Variants in MYO5A observed in about 807,000 individuals in gnomAD.
MYO5A encodes myosin VA.
Under a neutral mutation model 249.7 loss-of-function variants are expected in MYO5A, and 98 were observed. The observed-to-expected ratio is 0.39, with a 90% CI of 0.33 to 0.46. The LOEUF (loss-of-function observed/expected upper bound fraction) is 0.46, where lower values mean the gene tolerates loss of function less well. MYO5A is among the 20% of genes least tolerant of loss of function. The pLI, the probability that MYO5A is intolerant of heterozygous loss-of-function variation, is 0.98. For synonymous variants in MYO5A, 778 were observed against 810.6 expected, an observed-to-expected ratio of 0.96 and a Z score of 0.68; for missense variants, 1,696 against 2,308.8, an observed-to-expected ratio of 0.73 and a Z score of 5.44.
At chr15:52,345,522 T>G (rs963473585) in intron 30 of MYO5A, among the ~76,000 whole-genome samples, 17 of 150,752 alleles carry the variant, frequency 1.1e-4, no homozygotes, top group Non-Finnish European at 1.8e-4. Flanking sequence ...GGGGCGGAGG[T>G]TGCAGTGAGC....
intron 1 of MYO5A, among the ~76,000 whole-genome samples, chr15:52,513,158 C>T (rs778194379): frequency 2.0e-4 from 30 of 151,736 alleles, no homozygotes; most frequent in Non-Finnish European, 1.5e-4. Context: ...TGGCCGGGTG[C>T]GGTGGCTCAC....
At chr15:52,426,318 T>G (rs1337342514) in intron 3 of MYO5A, among the ~76,000 whole-genome samples, 1 of 43,068 alleles carries the variant, frequency 2.3e-5, no homozygotes, top group Non-Finnish European at 3.8e-5. Context: ...ATGCAAAGAG[T>G]TTTTTTTTTT....
intron 16 of MYO5A, among the ~76,000 whole-genome samples, chr15:52,381,643 A>G (rs1001565161): frequency 6.6e-6 from 1 of 152,192 alleles, no homozygotes; most frequent in Non-Finnish European, 1.5e-5. Flanking sequence ...ACAATGGGAT[A>G]CTCTGTAGCC....
chr15:52,402,274 C>A (rs1424708222), intron 9 of MYO5A, among the ~76,000 whole-genome samples: 2 of 152,114 alleles, frequency 1.3e-5, no homozygotes, highest in Non-Finnish European at 2.9e-5. Context: ...TTTTAGGGAG[C>A]TAGTTTTCTG....
intron 1 of MYO5A, among the ~76,000 whole-genome samples, chr15:52,455,625 G>A (rs1238190134): frequency 2.0e-5 from 3 of 152,002 alleles, no homozygotes; most frequent in Non-Finnish European, 4.4e-5. Flanking sequence ...AATCAAGTGG[G>A]ATTCATCCCA....
chr15:52,513,416 A>G (rs1336203514), intron 1 of MYO5A, among the ~76,000 whole-genome samples: 11 of 138,630 alleles, frequency 7.9e-5, no homozygotes, highest in African/African-American at 2.9e-4. Flanking sequence ...GGGCAACAAG[A>G]GCAAAACTCC....
At chr15:52,527,738 T>G (rs1176545859) in intron 1 of MYO5A, among the ~76,000 whole-genome samples, 1 of 152,220 alleles carries the variant, frequency 6.6e-6, no homozygotes, top group Non-Finnish European at 1.5e-5. Flanking sequence ...TCTTCTTTCC[T>G]CTACAAAACA....
At chr15:52,456,215 G>C (rs2076115597) in intron 1 of MYO5A, among the ~76,000 whole-genome samples, 1 of 151,932 alleles carries the variant, frequency 6.6e-6, no homozygotes, top group Non-Finnish European at 1.5e-5. Flanking sequence ...ATTCACAACT[G>C]CTACAAATAA....
chr15:52,519,314 A>G (rs1480052830), intron 1 of MYO5A, among the ~76,000 whole-genome samples: 1 of 152,192 alleles, frequency 6.6e-6, no homozygotes, highest in Non-Finnish European at 1.5e-5. Context: ...ATAGCCCCCA[A>G]ATTAAGACTG....
intron 9 of MYO5A, 85 bp from the exon 10 acceptor site, chr15:52,397,551 TA>T: frequency 6.7e-7 from 1 of 1,490,582 alleles, no homozygotes; most frequent in Non-Finnish European, 9.3e-7. Context: ...AGTTAACAAA[TA>T]AAATTCAGCA....
At chr15:52,425,580 G>A (rs929819355) in intron 4 of MYO5A, among the ~76,000 whole-genome samples, 5 of 152,004 alleles carry the variant, frequency 3.3e-5, no homozygotes, top group Admixed American at 1.3e-4. Context: ...GGCTAGTCTC[G>A]AACTCCTGAC....
intron 1 of MYO5A, among the ~76,000 whole-genome samples, chr15:52,466,663 A>G (rs543865332): frequency 1.3e-5 from 2 of 152,288 alleles, no homozygotes; most frequent in African/African-American, 4.8e-5. Flanking sequence ...ATTTTACCAG[A>G]GGCCTAAATC....
intron 5 of MYO5A, among the ~76,000 whole-genome samples, chr15:52,414,519 A>G (rs2043390077): frequency 6.6e-6 from 1 of 152,150 alleles, no homozygotes; most frequent in Non-Finnish European, 1.5e-5. Flanking sequence ...ACTCATGAAA[A>G]ATTCTAGAAG....
intron 12 of MYO5A, 111 bp from the exon 13 acceptor site, chr15:52,389,474 C>T: frequency 1.9e-6 from 2 of 1,058,482 alleles, no homozygotes; most frequent in Non-Finnish European, 2.7e-6. Flanking sequence ...TAACTAATAA[C>T]TTTTACAATT....
chr15:52,415,981 G>C, intron 5 of MYO5A, 164 bp downstream of exon 5: 3 of 847,164 alleles, frequency 3.5e-6, no homozygotes, highest in Non-Finnish European at 5.4e-6. Flanking sequence ...ACCTTACCAA[G>C]TTTTTACTTT....
intron 1 of MYO5A, among the ~76,000 whole-genome samples, chr15:52,464,767 C>A (rs753446414): frequency 4.6e-5 from 7 of 152,190 alleles, no homozygotes; most frequent in Non-Finnish European, 1.0e-4. Context: ...GGCTTTTAAG[C>A]AGAGTAATGA....
chr15:52,382,434 G>A (rs1442819670), intron 16 of MYO5A, among the ~76,000 whole-genome samples: 4 of 152,070 alleles, frequency 2.6e-5, no homozygotes, highest in Non-Finnish European at 5.9e-5. Flanking sequence ...AGTTGGGCAT[G>A]ATGGTGCATG....
chr15:52,426,585 C>A (rs567193406), intron 3 of MYO5A, among the ~76,000 whole-genome samples: 1 of 152,248 alleles, frequency 6.6e-6, no homozygotes, highest in South Asian at 2.1e-4. Flanking sequence ...ACTTCAGCCT[C>A]CCAGGTAGCT....
At position 52,317,242 on chromosome 15, in the gene MYO5A, C is replaced by T. The variant is rs779383354; in HGVS notation, c.5235-20G>A. 1.2e-6 allele frequency: 2 copies of T among 1,611,866 alleles called. No individual in the cohort carries two copies. Among genetic ancestry groups the T allele is most frequent in the East Asian group, 4.5e-5 (2 of 44,866 alleles). ...TTGTACCTATGAAAAAAAAGAGATA[C>T]AGAGAATGCAAATTTGCTGAATTTT... is the stretch of plus-strand genomic sequence containing the variant. On this transcript the variant is annotated intron_variant, in intron 39 of 41. Coordinates refer to ENST00000399233, the MANE Select transcript of MYO5A (RefSeq NM_001382347.1).
Sources: gnomAD v4.1 joint callset for allele counts (sites outside exome capture counted in the v4.1 genomes callset) on GRCh38, gnomAD v4.1.1 for gene constraint, MANE v1.5 for transcripts, NCBI Gene and HGNC (gene_info 2026-07-23, HGNC 2026-07-21) for gene names.